The following TAS2R10 variants were observed in gnomAD, a reference collection of about 807,000 sequenced individuals.
TAS2R10 encodes the protein taste receptor type 2 member 10.
For missense variants in TAS2R10, 385 were observed against 362.0 expected, an observed-to-expected ratio of 1.06 and a Z score of -0.52; for synonymous variants, 144 against 126.6, an observed-to-expected ratio of 1.14 and a Z score of -0.92.
At chr12:10,825,942 TC>T in the TAS2R10 span, 9 of 1,613,696 alleles carry the variant, frequency 5.6e-6, no homozygotes, top group Non-Finnish European at 2.5e-6. Flanking sequence ...AAATTTGCTA[TC>T]TTCAGGAAAT....
At chr12:10,825,833 T>C in exon 1 of TAS2R10, 2 of 1,612,412 alleles carry the variant, frequency 1.2e-6, no homozygotes, top group Non-Finnish European at 1.7e-6. Context: ...CTTCGCAATG[T>C]ATGCAAAATT....
At chr12:10,825,710 G>A in exon 1 of TAS2R10, 1 of 1,613,404 alleles carries the variant, frequency 6.2e-7, no homozygotes, top group South Asian at 1.1e-5. Context: ...TAGGGATAGT[G>A]TAAAGAAGAA....
At chr12:10,825,763 A>G (rs758989931) in exon 1 of TAS2R10, 8 of 1,613,262 alleles carry the variant, frequency 5.0e-6, no homozygotes, top group Non-Finnish European at 6.8e-6. Context: ...TAAAGTATTC[A>G]CTTTTATACA....
chr12:10,825,628 C>T (rs779574091), exon 1 of TAS2R10: 2 of 1,613,758 alleles, frequency 1.2e-6, no homozygotes, highest in Non-Finnish European at 1.7e-6. Flanking sequence ...TGGAGTCTCT[C>T]AATCCTGTCA....
rs750217668 is a variant in TAS2R10 at position 10,825,943 on chromosome 12, C to T, written c.327G>A (p.Lys109=). 1.9e-6 allele frequency: 3 copies of T among 1,613,628 alleles called. No homozygotes were observed. The South Asian group carries it at 3.3e-5, about 18-fold the overall frequency. The change falls in exon 1 of 1, where the codon AAG becomes AAA. Residue 109 remains lysine, a synonymous_variant. Transcript: ENST00000240619. Reference sequence around the variant, plus strand: ...ATATGTAGTTGGAAAAATTTGCTATCTTCAGGAAATAGAAGATGCTGAGGC... The same window carrying T: ...ATATGTAGTTGGAAAAATTTGCTATTTTCAGGAAATAGAAGATGCTGAGGC...
rs950441087 is a variant in TAS2R10, at chr12:10,826,301, A to T, written c.-32T>A. The T allele has an allele frequency of 6.1e-6, 9 of 1,483,826 alleles. No homozygotes were observed. In the East Asian group the frequency reaches 2.0e-4, roughly 34 times the overall value. The allele number at this position is 1,483,826 out of a possible 1,614,324, so 91.9% of individuals were successfully genotyped here. On this transcript the variant is annotated 5_prime_UTR_variant, in exon 1 of 1. The change abolishes an upstream ATG in the 5' untranslated region. Coordinates refer to ENST00000240619, the Ensembl canonical transcript of TAS2R10. The stretch of plus-strand genomic sequence containing the variant: ...TAATTCTTAATATTGCTTCTGTTAC[A>T]TCTATCTTAGATTACCTGCTGCAGA...
exon 1 of TAS2R10, chr12:10,826,178 T>A (rs1352785611): frequency 6.2e-7 from 1 of 1,613,350 alleles, no homozygotes; most frequent in East Asian, 2.2e-5. Flanking sequence ...GTCAATGCAG[T>A]TTACAAGTCC....
exon 1 of TAS2R10, chr12:10,825,776 T>C (rs1591615814): frequency 2.5e-6 from 4 of 1,613,442 alleles, no homozygotes; most frequent in Non-Finnish European, 3.4e-6. Context: ...TTTATACATG[T>C]TGAGATCCCA....
chr12:10,825,982 C>T (rs1035794130), exon 1 of TAS2R10: 8 of 1,613,516 alleles, frequency 5.0e-6, no homozygotes, highest in Non-Finnish European at 6.8e-6. Flanking sequence ...TGGCAAACCA[C>T]ATACTTGATT....
At chr12:10,825,814 A>C (rs749579623) in exon 1 of TAS2R10, 2 of 1,612,782 alleles carry the variant, frequency 1.2e-6, no homozygotes, top group East Asian at 2.2e-5. Context: ...TTTTATAATC[A>C]TTAAGAATCT....
chr12:10,825,756 A>G (rs1406727301), exon 1 of TAS2R10: 17 of 1,613,442 alleles, frequency 1.1e-5, no homozygotes, highest in Non-Finnish European at 1.4e-5. Context: ...TGTTTAATAA[A>G]GTATTCACTT....
chr12:10,825,831 T>G, exon 1 of TAS2R10: 2 of 1,612,676 alleles, frequency 1.2e-6, no homozygotes, highest in Non-Finnish European at 1.7e-6. Context: ...ATCTTCGCAA[T>G]GTATGCAAAA....
chr12:10,825,830 A>G lies in TAS2R10; in HGVS notation c.440T>C (p.Ile147Thr), dbSNP rs762709905. ...TTTATAATCATTAAGAATCTTCGCA[A>G]TGTATGCAAAATTAAGTAACGATGA... is the stretch of plus-strand genomic sequence containing the variant. The change falls in exon 1 of 1, where the codon ATT (isoleucine) becomes ACT (threonine). Residue 147 changes from isoleucine (I) to threonine (T), a missense_variant. Ile to Thr is a moderately conservative substitution (Grantham distance 89, BLOSUM62 -1). Transcript: ENST00000240619. 1.9e-6 allele frequency: 3 copies of G among 1,612,670 alleles called. No homozygotes were observed. The South Asian group carries it at 3.3e-5, about 18-fold the overall frequency.
chr12:10,825,582 T>C, exon 1 of TAS2R10: 6 of 1,613,742 alleles, frequency 3.7e-6, no homozygotes, highest in Non-Finnish European at 5.1e-6. Flanking sequence ...ATGAAAGATA[T>C]CAAAACTTTC....
rs138990543 is a variant in TAS2R10, at chr12:10,825,452, T to G, written c.818A>C (p.His273Pro). The G allele has an allele frequency of 1.2e-5, 20 of 1,613,584 alleles. No individual in the cohort carries two copies. In the African/African-American group the frequency reaches 2.7e-4, roughly 22 times the overall value. The stretch of plus-strand genomic sequence containing the variant: ...GTTTCCTAGAATTAAGATAAATGAG[T>G]GACCCCAGGGATAGATGGCTGTGGT... The change falls in exon 1 of 1, where the codon CAC becomes CCC. Residue 273 changes from histidine to proline, a missense_variant. By Grantham distance (77) the His-to-Pro change is moderately conservative. Coordinates refer to ENST00000240619, the Ensembl canonical transcript of TAS2R10.
exon 1 of TAS2R10, chr12:10,825,803 G>A (rs597468): frequency 0.99 from 1,591,972 of 1,613,000 alleles, 786,594 homozygotes; most frequent in East Asian, 1. Context: ...GTCATTCTTC[G>A]TTTTATAATC....
chr12:10,825,517 A>C, exon 1 of TAS2R10: 1 of 1,613,774 alleles, frequency 6.2e-7, no homozygotes, highest in Non-Finnish European at 8.5e-7. Context: ...TTTCTCGCAC[A>C]GTAAAACATG....
chr12:10,826,156 A>T, exon 1 of TAS2R10: 1 of 1,613,588 alleles, frequency 6.2e-7, no homozygotes, highest in Non-Finnish European at 8.5e-7. Flanking sequence ...TAGATAACTT[A>T]TTCTTGGCAC....
exon 1 of TAS2R10, chr12:10,825,940 T>G (rs1260914018): frequency 6.2e-7 from 1 of 1,613,558 alleles, no homozygotes; most frequent in African/African-American, 1.3e-5. Context: ...AAAAATTTGC[T>G]ATCTTCAGGA....
Sources: gnomAD v4.1 joint callset for allele counts on GRCh38, gnomAD v4.1.1 for gene constraint, MANE v1.5 for transcripts, NCBI Gene and HGNC (gene_info 2026-07-23, HGNC 2026-07-21) for gene names.